ULK4: variants seen among roughly 807,000 people sequenced by gnomAD.
ULK4 encodes inactive serine/threonine-protein kinase ULK4.
A neutral mutation model predicts 160.6 loss-of-function variants in ULK4; 133 were observed. The ratio of observed to expected loss-of-function variants is 0.83; its 90% CI spans 0.72 to 0.96. The LOEUF is 0.96. Ranked by LOEUF, ULK4 falls within the 40% of genes least tolerant of loss-of-function variation. The pLI, the probability that ULK4 is intolerant of heterozygous loss-of-function variation, is 0.00. For synonymous variants in ULK4, 534 were observed against 539.8 expected, an observed-to-expected ratio of 0.99 and a Z score of 0.15; for missense variants, 1,580 against 1,499.5, an observed-to-expected ratio of 1.05 and a Z score of -0.89.
chr3:41,416,058 T>C (rs911391975), intron 34 of ULK4, among the ~76,000 whole-genome samples: 5 of 152,210 alleles, frequency 3.3e-5, no homozygotes, highest in South Asian at 2.1e-4. Flanking sequence ...AAAATCACAC[T>C]GAGAAGTCAC....
chr3:41,851,975 A>G (rs2042226557), intron 17 of ULK4, among the ~76,000 whole-genome samples: 1 of 152,202 alleles, frequency 6.6e-6, no homozygotes, highest in Non-Finnish European at 1.5e-5. Flanking sequence ...TTTTTTGGAA[A>G]GATCAACAAA....
intron 35 of ULK4, among the ~76,000 whole-genome samples, chr3:41,326,802 A>C (rs2080346922): frequency 6.6e-6 from 1 of 152,194 alleles, no homozygotes; most frequent in African/African-American, 2.4e-5. Flanking sequence ...TTTCAGAGGG[A>C]CACAGTAAAA....
At chr3:41,688,207 A>G (rs2036162627) in intron 27 of ULK4, among the ~76,000 whole-genome samples, 1 of 151,390 alleles carries the variant, frequency 6.6e-6, no homozygotes, top group South Asian at 2.1e-4. Flanking sequence ...CCCTCCCCTG[A>G]CACCACAGAG....
intron 31 of ULK4, among the ~76,000 whole-genome samples, chr3:41,579,513 A>G (rs1296484383): frequency 2.0e-5 from 1 of 49,748 alleles, no homozygotes; most frequent in African/African-American, 8.1e-5. Flanking sequence ...TTTTTTTTTG[A>G]GACGGAGTTT....
chr3:41,801,423 G>T (rs2040456966), intron 19 of ULK4, among the ~76,000 whole-genome samples: 1 of 151,754 alleles, frequency 6.6e-6, no homozygotes, highest in Admixed American at 6.6e-5. Flanking sequence ...TGTCTGAGAA[G>T]TTTTCAAATT....
intron 25 of ULK4, among the ~76,000 whole-genome samples, chr3:41,711,048 T>C (rs1405745208): frequency 6.6e-6 from 1 of 152,038 alleles, no homozygotes; most frequent in Non-Finnish European, 1.5e-5. Context: ...AGGCAGCTGA[T>C]GGGAAGACAG....
chr3:41,705,437 CATATT>C lies in ULK4; in HGVS notation c.2635-137_2635-133del, dbSNP rs1271233620. The C allele has an allele frequency of 5.3e-5, 25 of 476,104 alleles. No individual in the cohort carries two copies. The Admixed American group carries it at 5.8e-4, about 11-fold the overall frequency. The allele number at this position is 476,104 out of a possible 1,614,324, so 29.5% of individuals were successfully genotyped here. On this transcript the variant is annotated intron_variant, in intron 25 of 36. Transcript: ENST00000301831. Reference sequence around the variant, plus strand: ...CATAGACAGTATTAAATACTCTATACATATTATATTATTATAGTTACAAAAGTATA... The same window carrying C: ...CATAGACAGTATTAAATACTCTATACATATTATTATAGTTACAAAAGTATA...
At chr3:41,649,567 A>G (rs1166483975) in intron 30 of ULK4, among the ~76,000 whole-genome samples, 2 of 152,138 alleles carry the variant, frequency 1.3e-5, no homozygotes, top group Non-Finnish European at 2.9e-5. Context: ...CACTGTCGCA[A>G]CCCAGCTGGG....
chr3:41,705,216 C>T (rs749901813), intron 26 of ULK4, 38 bp downstream of exon 26: 52 of 1,611,612 alleles, frequency 3.2e-5, no homozygotes, highest in East Asian at 6.7e-5. Context: ...ATCAAAGTAC[C>T]TCAAACAAAG....
At chr3:41,329,386 C>A (rs10212142) in intron 35 of ULK4, among the ~76,000 whole-genome samples, 35,956 of 152,020 alleles carry the variant, frequency 0.24, 4,418 homozygotes, top group African/African-American at 0.27. Flanking sequence ...TTGATGTTTA[C>A]TTTTACAGGA....
intron 18 of ULK4, among the ~76,000 whole-genome samples, chr3:41,826,342 C>T (rs1436160788): frequency 6.6e-6 from 1 of 151,976 alleles, no homozygotes; most frequent in African/African-American, 2.4e-5. Context: ...CTAAATGCTC[C>T]AATTAGAAGA....
rs148514777 is a variant in ULK4, at chr3:41,881,506, T to C, written c.1656+2368A>G. ...TTGGTGCAAAAGTAATTACAGTTTT[T>C]GCCATTAAAAGTAATGAAATAAAGA... is the stretch of plus-strand genomic sequence containing the variant. On this transcript the variant is annotated intron_variant, in intron 17 of 36. Coordinates refer to ENST00000301831, the MANE Select transcript of ULK4 (RefSeq NM_017886.4). 3.1e-3 allele frequency among the ~76,000 whole-genome samples: 475 copies of C among 152,296 alleles called. 1 individual carries two copies. The highest frequency in any genetic ancestry group is 0.011 in the African/African-American group (451 of 41,562).
intron 21 of ULK4, among the ~76,000 whole-genome samples, chr3:41,783,622 C>T (rs1288326121): frequency 1.3e-5 from 2 of 152,056 alleles, no homozygotes; most frequent in Non-Finnish European, 2.9e-5. Flanking sequence ...AATCCTCTAG[C>T]CACAGCCTCC....
intron 32 of ULK4, among the ~76,000 whole-genome samples, chr3:41,491,695 T>A (rs984315376): frequency 3.9e-5 from 4 of 102,190 alleles, no homozygotes; most frequent in South Asian, 2.7e-4. Context: ...AAAAGAATTT[T>A]TATATTTTTT....
At chr3:41,426,854 A>T (rs9835266) in intron 34 of ULK4, among the ~76,000 whole-genome samples, 41,630 of 151,930 alleles carry the variant, frequency 0.27, 6,164 homozygotes, top group African/African-American at 0.38. Flanking sequence ...ACAACTAAAA[A>T]AACTAGAGAA....
intron 32 of ULK4, among the ~76,000 whole-genome samples, chr3:41,552,276 G>A (rs1355175681): frequency 6.6e-6 from 1 of 151,886 alleles, no homozygotes; most frequent in Non-Finnish European, 1.5e-5. Flanking sequence ...TCAAGCAAGA[G>A]AAAGAAATAA....
Position 41,831,421 on chromosome 3 carries a change from T to TG in ULK4, c.1764+4442_1764+4443insC, listed in dbSNP as rs570725394. 3.0e-3 allele frequency among the ~76,000 whole-genome samples: 447 copies of TG among 150,390 alleles called. 1 individual carries two copies. Among genetic ancestry groups the TG allele is most frequent in the African/African-American group, 0.01 (427 of 41,054 alleles). On this transcript the variant is annotated intron_variant, in intron 18 of 36. Transcript: ENST00000301831. ...TACATATCTCCATATACTAGTCGTT[T>TG]TTTTTTTTTTTAATGGTGGTATCAT...
At chr3:41,948,287 C>T (rs189267578) in intron 2 of ULK4, among the ~76,000 whole-genome samples, 38 of 152,176 alleles carry the variant, frequency 2.5e-4, no homozygotes, top group Admixed American at 1.8e-3. Context: ...CCCATCTCTA[C>T]TAAAAATACA....
At chr3:41,880,037 T>C (rs1697455566) in intron 17 of ULK4, among the ~76,000 whole-genome samples, 1 of 152,184 alleles carries the variant, frequency 6.6e-6, no homozygotes, top group African/African-American at 2.4e-5. Context: ...GGAGAATCGT[T>C]TGAACCTGGG....
Sources: allele counts gnomAD v4.1 joint callset (sites outside exome capture counted in the v4.1 genomes callset), GRCh38; gene constraint gnomAD v4.1.1; transcripts MANE v1.5; gene names NCBI Gene and HGNC (gene_info 2026-07-23, HGNC 2026-07-21).